SULT6B1: variants seen among roughly 807,000 people sequenced by gnomAD.
SULT6B1 encodes the protein sulfotransferase family 6B member 1.
SULT6B1 carries 44 observed loss-of-function variants against 37.2 expected under a neutral mutation model. That is an observed-to-expected ratio of 1.18 (90% CI 0.93 to 1.52). The LOEUF is 1.52. Among genes scored for constraint, SULT6B1 ranks in the 40% most tolerant of loss-of-function variants. The pLI is 0.00. For missense variants in SULT6B1, 450 were observed against 361.0 expected, an observed-to-expected ratio of 1.25 and a Z score of -2.00; for synonymous variants, 140 against 126.0, an observed-to-expected ratio of 1.11 and a Z score of -0.74.
At chr2:37,193,597 A>AAGAAG (rs1553345837), upstream of SULT6B1, among the ~76,000 whole-genome samples, 51 of 113,868 alleles carry the variant, frequency 4.5e-4, no homozygotes, top group African/African-American at 1.2e-3. Flanking sequence ...AGAAGAAGAA[A>AAGAAG]AAGAAGAAGA....
chr2:37,193,618 G>GAAGAAA (rs1191368549), upstream of SULT6B1, among the ~76,000 whole-genome samples: 107 of 149,428 alleles, frequency 7.2e-4, no homozygotes, highest in South Asian at 9.2e-3. Flanking sequence ...AGAAGAAGAA[G>GAAGAAA]AAGAAGAAGA....
chr2:37,183,214 T>A (rs6544060), intron 3 of SULT6B1, among the ~76,000 whole-genome samples: 5 of 151,966 alleles, frequency 3.3e-5, no homozygotes, highest in African/African-American at 1.2e-4. Context: ...TTTTATTCTA[T>A]GCATATGTTT....
At chr2:37,178,691 G>A (rs1437728644) in intron 4 of SULT6B1, among the ~76,000 whole-genome samples, 1 of 152,188 alleles carries the variant, frequency 6.6e-6, no homozygotes, top group Non-Finnish European at 1.5e-5. Flanking sequence ...ATAAACCAGA[G>A]ACAAAATATC....
chr2:37,169,608 C>T (rs1676252197), intron 6 of SULT6B1, among the ~76,000 whole-genome samples: 2 of 152,138 alleles, frequency 1.3e-5, no homozygotes, highest in Admixed American at 1.3e-4. Context: ...TCTGACTCAG[C>T]CTCCCAAGTA....
intron 4 of SULT6B1, among the ~76,000 whole-genome samples, chr2:37,175,900 C>T (rs1292032044): frequency 6.6e-6 from 1 of 152,208 alleles, no homozygotes; most frequent in Non-Finnish European, 1.5e-5. Flanking sequence ...AGTATATTCA[C>T]ATACGCAACT....
At chr2:37,187,589 G>A in intron 1 of SULT6B1, 122 bp from the exon 2 acceptor site, 1 of 507,342 alleles carries the variant, frequency 2.0e-6, no homozygotes, top group East Asian at 3.2e-5. Flanking sequence ...TGTATATTTA[G>A]TTCTTCTGTC....
Position 37,168,213 on chromosome 2 carries a change from G to A in SULT6B1, c.782-148C>T, listed in dbSNP as rs940746522. ...ACTCTTTATTTAGTTTTTTTCAGACGGTGTCTCGCTCTGTTGCCCAGGCTG... is the reference window on the plus strand; with the variant it reads ...ACTCTTTATTTAGTTTTTTTCAGACAGTGTCTCGCTCTGTTGCCCAGGCTG... On this transcript the variant is annotated intron_variant, in intron 6 of 6. Coordinates refer to ENST00000535679, the MANE Select transcript of SULT6B1 (RefSeq NM_001367551.1). 7 of 752,878 alleles carry A rather than the reference G, an allele frequency of 9.3e-6. No homozygotes were observed. In the South Asian group the frequency reaches 1.0e-4, roughly 11 times the overall value. 46.6% of individuals were successfully genotyped at this position (752,878 alleles called of 1,614,324 possible).
chr2:37,174,647 C>G (rs892347024), intron 5 of SULT6B1, among the ~76,000 whole-genome samples: 3 of 152,034 alleles, frequency 2.0e-5, no homozygotes, highest in Non-Finnish European at 4.4e-5. Flanking sequence ...ATGTATCATT[C>G]TTTCTTTCCA....
At chr2:37,183,376 A>G in intron 3 of SULT6B1, 49 bp downstream of exon 3, 1 of 1,428,762 alleles carries the variant, frequency 7.0e-7, no homozygotes, top group South Asian at 1.2e-5. Context: ...AAAAACTAAT[A>G]TCTATACATA....
At chr2:37,184,208 C>G (rs770019118) in intron 2 of SULT6B1, among the ~76,000 whole-genome samples, 16 of 152,328 alleles carry the variant, frequency 1.1e-4, no homozygotes, top group Non-Finnish European at 2.2e-4. Context: ...ATAGTCAAGT[C>G]TTTCCACAGT....
upstream of SULT6B1, among the ~76,000 whole-genome samples, chr2:37,193,153 G>A (rs1676815585): frequency 6.6e-6 from 1 of 152,104 alleles, no homozygotes; most frequent in Admixed American, 6.6e-5. Flanking sequence ...TGCATGGGAG[G>A]CTTATTTAAA....
chr2:37,191,548 C>G (rs996452121), upstream of SULT6B1, among the ~76,000 whole-genome samples: 1 of 152,182 alleles, frequency 6.6e-6, no homozygotes, highest in African/African-American at 2.4e-5. Flanking sequence ...TTTTTGTACC[C>G]ACATTTGGCA....
intron 4 of SULT6B1, among the ~76,000 whole-genome samples, chr2:37,176,260 C>CTTTTTT (rs34578951): frequency 8.0e-5 from 9 of 112,590 alleles, no homozygotes; most frequent in African/African-American, 1.0e-4. Flanking sequence ...CACGCAATAG[C>CTTTTTT]TTTTTTTTTT....
intron 3 of SULT6B1, among the ~76,000 whole-genome samples, chr2:37,181,309 T>G (rs1457519222): frequency 6.6e-6 from 1 of 152,212 alleles, no homozygotes; most frequent in Non-Finnish European, 1.5e-5. Context: ...GACATAAATT[T>G]GAATTTGAGG....
intron 1 of SULT6B1, chr2:37,194,677 T>G: frequency 4.2e-6 from 1 of 239,806 alleles, no homozygotes. Context: ...TCTTGGGTCA[T>G]CACCTCGTTG....
chr2:37,187,229 A>G (rs911608612), intron 2 of SULT6B1, 126 bp downstream of exon 2: 4 of 637,250 alleles, frequency 6.3e-6, no homozygotes, highest in Non-Finnish European at 1.1e-5. Flanking sequence ...AGGATATGGT[A>G]AGCACACAGT....
intron 1 of SULT6B1, among the ~76,000 whole-genome samples, 183 bp downstream of exon 1, chr2:37,188,259 T>G (rs1676714548): frequency 6.6e-6 from 1 of 152,156 alleles, no homozygotes; most frequent in African/African-American, 2.4e-5. Flanking sequence ...TGGAGTTTTT[T>G]AATCTAGCAG....
At chr2:37,185,181 G>A (rs575193315) in intron 2 of SULT6B1, among the ~76,000 whole-genome samples, 1 of 152,306 alleles carries the variant, frequency 6.6e-6, no homozygotes, top group East Asian at 1.9e-4. Flanking sequence ...ACAGACACAT[G>A]AGAAATGGTA....
In SULT6B1 at chr2:37,173,502, T is replaced by C. The variant is rs569830540; in HGVS notation, c.624+1630A>G. 1.3e-5 allele frequency among the ~76,000 whole-genome samples: 2 copies of C among 152,328 alleles called. 1 individual carries two copies. Among genetic ancestry groups the C allele is most frequent in the South Asian group, 4.1e-4 (2 of 4,826 alleles). On this transcript the variant is annotated intron_variant, in intron 5 of 6. Coordinates refer to ENST00000535679, the MANE Select transcript of SULT6B1 (RefSeq NM_001367551.1). Reference sequence around the variant, plus strand: ...AAGGCCTGTATGCCCAACTGCCTACTTGACTTCTCAATTAGGACGACTAAT... The same window carrying C: ...AAGGCCTGTATGCCCAACTGCCTACCTGACTTCTCAATTAGGACGACTAAT...
Sources: allele counts gnomAD v4.1 joint callset (sites outside exome capture counted in the v4.1 genomes callset), GRCh38; gene constraint gnomAD v4.1.1; transcripts MANE v1.5; gene names NCBI Gene and HGNC (gene_info 2026-07-23, HGNC 2026-07-21).